The following RAF1 variants were observed in gnomAD, a reference collection of about 807,000 sequenced individuals.
The protein encoded by RAF1 is Raf-1 proto-oncogene, serine/threonine kinase.
Under a neutral mutation model 81.1 loss-of-function variants are expected in RAF1, and 27 were observed. The observed-to-expected ratio is 0.33, with a 90% CI of 0.25 to 0.46. The LOEUF is 0.46. Among genes scored for constraint, RAF1 ranks in the 20% least tolerant of loss-of-function variants. The pLI is 1.00. For synonymous variants in RAF1, 298 were observed against 294.0 expected (o/e 1.01, Z -0.14); for missense variants, 598 against 826.0 (o/e 0.72, Z 3.38).
chr3:12,610,275 AT>A (rs1484313038), intron 3 of RAF1, among the ~76,000 whole-genome samples: 2 of 152,168 alleles, frequency 1.3e-5, no homozygotes, highest in Non-Finnish European at 2.9e-5. Context: ...TAGTCAAGCC[AT>A]TTTTCTCACT....
chr3:12,652,680 G>A (rs775748825), intron 1 of RAF1, among the ~76,000 whole-genome samples: 1 of 152,104 alleles, frequency 6.6e-6, no homozygotes, highest in Non-Finnish European at 1.5e-5. Flanking sequence ...AGGTGCAGTG[G>A]CTCACATCTG....
intron 1 of RAF1, among the ~76,000 whole-genome samples, chr3:12,654,011 A>G (rs1022406918): frequency 6.7e-6 from 1 of 149,540 alleles, no homozygotes; most frequent in African/African-American, 2.5e-5. Flanking sequence ...TTTTTTCAAG[A>G]GACAGCATCT....
chr3:12,625,636 A>T (rs2059680691), intron 1 of RAF1, among the ~76,000 whole-genome samples: 1 of 152,190 alleles, frequency 6.6e-6, no homozygotes, highest in Admixed American at 6.5e-5. Context: ...ACTGGTTTAA[A>T]AACAAGACCT....
rs937962272 is a variant in RAF1 at position 12,584,346 on chromosome 3, A to G, written c.*168T>C. ...CTTCCTTCTCCCAGGGCCCAAAGGG[A>G]TAGAAAAGAAGGCAACATGAAGTTA... is the stretch of plus-strand genomic sequence containing the variant. On this transcript the variant is annotated 3_prime_UTR_variant, in exon 18 of 18. Transcript: ENST00000442415. 23 of 811,712 alleles carry G rather than the reference A, an allele frequency of 2.8e-5. No individual in the cohort carries two copies. The highest frequency in any genetic ancestry group is 3.9e-5 in the Non-Finnish European group (20 of 507,806). 50.3% of individuals were successfully genotyped at this position (811,712 alleles called of 1,614,324 possible). A position where few individuals can be genotyped will look rare whatever the true frequency, so the allele number is the denominator to read the frequency against.
rs2058523403 is a variant in RAF1, at chr3:12,591,828, AAT to A, written c.1169-38_1169-37del. 10 of 1,454,976 alleles carry A rather than the reference AAT, an allele frequency of 6.9e-6. No individual in the cohort carries two copies. The East Asian group carries it at 2.3e-4, about 33-fold the overall frequency. 90.1% of individuals were successfully genotyped at this position (1,454,976 alleles called of 1,614,324 possible). On this transcript the variant is annotated intron_variant, in intron 11 of 17. Transcript: ENST00000442415. ...AGTTGGCAGTCAGTGCAATCAGTTG[AAT>A]GATCTCAGTCTTTCAAATAACCTAG... is the stretch of plus-strand genomic sequence containing the variant.
At chr3:12,615,868 G>T (rs1370721745) in intron 2 of RAF1, among the ~76,000 whole-genome samples, 1 of 152,056 alleles carries the variant, frequency 6.6e-6, no homozygotes, top group Non-Finnish European at 1.5e-5. Flanking sequence ...TTGCCAACAT[G>T]GTAAACCCTG....
At chr3:12,605,999 T>G (rs2059016057) in intron 6 of RAF1, among the ~76,000 whole-genome samples, 1 of 151,812 alleles carries the variant, frequency 6.6e-6, no homozygotes, top group Non-Finnish European at 1.5e-5. Flanking sequence ...TCAAAGTCAC[T>G]TTCCAGAATG....
In RAF1 at chr3:12,643,912, T is replaced by G. The variant is rs541918451; in HGVS notation, c.-27+19901A>C. ...AAGGCATTTTCAACTCAACAGTCAT[T>G]TCAGCCTTCTCACCCTGTGGTCCAC... On this transcript the variant is annotated intron_variant, in intron 1 of 17. Coordinates refer to ENST00000442415, the MANE Select transcript of RAF1 (RefSeq NM_001354689.3). Among the ~76,000 whole-genome samples the G allele has an allele frequency of 3.9e-5, 6 of 152,254 alleles. 1 individual carries two copies. Among genetic ancestry groups the G allele is most frequent in the South Asian group, 2.1e-4 (1 of 4,822 alleles).
chr3:12,604,483 T>C (rs2058965456), intron 6 of RAF1, among the ~76,000 whole-genome samples, 194 bp from the exon 7 acceptor site: 1 of 152,176 alleles, frequency 6.6e-6, no homozygotes, highest in African/African-American at 2.4e-5. Context: ...CATACAAAAT[T>C]TGGAACAGGA....
intron 2 of RAF1, among the ~76,000 whole-genome samples, chr3:12,614,405 C>T (rs530223977): frequency 1.3e-4 from 15 of 119,132 alleles, no homozygotes; most frequent in African/African-American, 3.3e-4. Flanking sequence ...ATTTTCTCTA[C>T]GTGCGTGCGT....
intron 15 of RAF1, 91 bp downstream of exon 14, chr3:12,585,590 T>TGTACAGA (rs1169025965): frequency 7.2e-7 from 1 of 1,393,942 alleles, no homozygotes; most frequent in African/African-American, 1.4e-5. Context: ...TTCGGGGAAA[T>TGTACAGA]GTACAGAAAC....
rs1385922104 is a variant in RAF1, at chr3:12,641,711, T to G, written c.-27+22102A>C. Among the ~76,000 whole-genome samples the G allele has an allele frequency of 2.0e-5, 3 of 152,162 alleles. No individual in the cohort carries two copies. The East Asian group carries it at 5.8e-4, about 29-fold the overall frequency. On this transcript the variant is annotated intron_variant, in intron 1 of 17. Coordinates refer to ENST00000442415, the MANE Select transcript of RAF1 (RefSeq NM_001354689.3). ...TTCACCATGTTGCACAAGTTGGTCT[T>G]GAACTCCTGAGCTCAAGTGAGCTAC...
intron 3 of RAF1, 138 bp downstream of exon 3, chr3:12,611,812 A>T: frequency 1.4e-6 from 1 of 721,206 alleles, no homozygotes; most frequent in Admixed American, 2.2e-5. Flanking sequence ...TATTTTTCTG[A>T]ATTATCTCTT....
At position 12,636,728 on chromosome 3, in the gene RAF1, G is replaced by T. The variant is rs376435621; in HGVS notation, c.-26-17981C>A. Among the ~76,000 whole-genome samples, 27 of 151,704 alleles carry T rather than the reference G, an allele frequency of 1.8e-4. 2 individuals are homozygous for T. The South Asian group carries it at 5.6e-3, about 32-fold the overall frequency. ...CGGCTGAGAGGGGAGAATCACTTGA[G>T]CCTGGGAGGTGGAGGCTGCTGTGAG... On this transcript the variant is annotated intron_variant, in intron 1 of 17. Coordinates refer to ENST00000442415, the MANE Select transcript of RAF1 (RefSeq NM_001354689.3).
At chr3:12,613,008 T>C (rs542971089) in intron 2 of RAF1, among the ~76,000 whole-genome samples, 7 of 152,220 alleles carry the variant, frequency 4.6e-5, no homozygotes, top group East Asian at 1.9e-4. Flanking sequence ...GTGGAAGATA[T>C]AGAACTCCAG....
At chr3:12,642,207 T>C (rs1197901532) in intron 1 of RAF1, among the ~76,000 whole-genome samples, 1 of 150,442 alleles carries the variant, frequency 6.6e-6, no homozygotes, top group Admixed American at 6.6e-5. Flanking sequence ...TCCCAGCACT[T>C]TGAGAGGCTG....
At chr3:12,655,588 A>T (rs1374890720) in intron 1 of RAF1, among the ~76,000 whole-genome samples, 1 of 152,200 alleles carries the variant, frequency 6.6e-6, no homozygotes, top group Non-Finnish European at 1.5e-5. Context: ...ACCCTAAGGC[A>T]CTGAAAGCAG....
chr3:12,653,155 G>A (rs1378011075), intron 1 of RAF1, among the ~76,000 whole-genome samples: 1 of 151,328 alleles, frequency 6.6e-6, no homozygotes, highest in African/African-American at 2.4e-5. Flanking sequence ...AGTGGCACAG[G>A]CCTGTAATCC....
chr3:12,591,346 C>G (rs1015562275), intron 12 of RAF1, among the ~76,000 whole-genome samples: 3 of 151,976 alleles, frequency 2.0e-5, no homozygotes, highest in African/African-American at 7.3e-5. Flanking sequence ...GCTGACTGTT[C>G]TGAAGTCTAA....
Sources: allele counts gnomAD v4.1 joint callset (sites outside exome capture counted in the v4.1 genomes callset), GRCh38; gene constraint gnomAD v4.1.1; transcripts MANE v1.5; gene names NCBI Gene and HGNC (gene_info 2026-07-23, HGNC 2026-07-21).